The following C1QTNF3 variants were observed in gnomAD, a reference collection of about 807,000 sequenced individuals.
The protein encoded by C1QTNF3 is complement C1q tumor necrosis factor-related protein 3.
A neutral mutation model predicts 32.6 loss-of-function variants in C1QTNF3; 26 were observed. That is an observed-to-expected ratio of 0.80 (90% CI 0.58 to 1.11). The LOEUF (loss-of-function observed/expected upper bound fraction) is 1.11. C1QTNF3 is among the 50% of genes least tolerant of loss of function. The pLI is 0.00. For missense variants in C1QTNF3, 362 were observed against 398.2 expected (o/e 0.91, Z 0.77); for synonymous variants, 155 against 146.0 (o/e 1.06, Z -0.44).
the C1QTNF3 span, among the ~76,000 whole-genome samples, chr5:34,112,265 T>C: frequency 0.014 from 2,201 of 152,298 alleles, 54 homozygotes; most frequent in African/African-American, 0.051. Context: ...CATTGTTGTT[T>C]GCACACTGAT....
chr5:34,072,654 A>G, the C1QTNF3 span, among the ~76,000 whole-genome samples: 1 of 152,148 alleles, frequency 6.6e-6, no homozygotes, highest in East Asian at 1.9e-4. Flanking sequence ...ACTTAATTTC[A>G]GGTAAAGTAA....
the C1QTNF3 span, among the ~76,000 whole-genome samples, chr5:34,156,152 C>A: frequency 1.3e-5 from 2 of 152,154 alleles, no homozygotes; most frequent in Admixed American, 1.3e-4. Flanking sequence ...CTCACTGTGG[C>A]CTCTGCTTCC....
chr5:34,059,140 CG>C, the C1QTNF3 span, among the ~76,000 whole-genome samples: 1 of 152,148 alleles, frequency 6.6e-6, no homozygotes, highest in Non-Finnish European at 1.5e-5. Context: ...AGACAGCAGA[CG>C]TTTATTTTCT....
At chr5:34,243,797 A>C in the C1QTNF3 span, among the ~76,000 whole-genome samples, 3 of 151,392 alleles carry the variant, frequency 2.0e-5, no homozygotes, top group African/African-American at 7.3e-5. Flanking sequence ...GGAACAAGAC[A>C]TGCTGCAGGC....
chr5:34,018,743 G>A lies in C1QTNF3; in HGVS notation c.*1840C>T, dbSNP rs1437514236. 6.6e-6 allele frequency among the ~76,000 whole-genome samples: 1 copy of A among 152,064 alleles called. No homozygotes were observed. The highest frequency in any genetic ancestry group is 2.4e-5 in the African/African-American group (1 of 41,392). On this transcript the variant is annotated 3_prime_UTR_variant, in exon 6 of 6. Transcript: ENST00000382065. ...TTTTCTACACTGGAAAATTACCAAGGCTGATCATTATGTGAAACAGTTCTA... is the reference window on the plus strand; with the variant it reads ...TTTTCTACACTGGAAAATTACCAAGACTGATCATTATGTGAAACAGTTCTA...
chr5:34,212,514 G>A, the C1QTNF3 span, among the ~76,000 whole-genome samples: 2 of 151,728 alleles, frequency 1.3e-5, no homozygotes, highest in African/African-American at 4.8e-5. Context: ...ATCTGACAAA[G>A]GGCTAATATC....
At chr5:34,213,786 C>CATATATATACACATAT in the C1QTNF3 span, among the ~76,000 whole-genome samples, 6 of 15,462 alleles carry the variant, frequency 3.9e-4, no homozygotes, top group Non-Finnish European at 7.3e-4. Context: ...TGTATATATA[C>CATATATATACACATAT]ATATATATAT....
chr5:34,150,386 C>T, the C1QTNF3 span, among the ~76,000 whole-genome samples: 2 of 97,970 alleles, frequency 2.0e-5, no homozygotes, highest in Non-Finnish European at 4.0e-5. Context: ...CTCTCCACCC[C>T]AAATCAACAG....
At chr5:34,182,518 T>TAAATAAATA in the C1QTNF3 span, among the ~76,000 whole-genome samples, 7 of 130,244 alleles carry the variant, frequency 5.4e-5, no homozygotes, top group African/African-American at 2.5e-4. Flanking sequence ...AATAAATAAA[T>TAAATAAATA]AAAAAATCTG....
chr5:34,232,779 A>G, the C1QTNF3 span, among the ~76,000 whole-genome samples: 1 of 152,178 alleles, frequency 6.6e-6, no homozygotes, highest in Non-Finnish European at 1.5e-5. Context: ...GTCATTCTTT[A>G]TATCATTGTG....
In C1QTNF3 at chr5:34,019,125, C is replaced by CA. The variant is rs11429527; in HGVS notation, c.*1457dup. ...CCTGGGCAGCAGCGTGAAACTGTCT[C>CA]AAAAAAAAAAAAGATTTAGAATTTG... On this transcript the variant is annotated 3_prime_UTR_variant, in exon 6 of 6. Transcript: ENST00000382065. Among the ~76,000 whole-genome samples the CA allele has an allele frequency of 0.46, 66,927 of 145,564 alleles. 15,419 individuals are homozygous for CA. Among genetic ancestry groups the CA allele is most frequent in the South Asian group, 0.71 (3,317 of 4,680 alleles).
In C1QTNF3 at chr5:34,028,888, G is replaced by A. The variant is rs1754543798; in HGVS notation, c.571-5C>T. ...CAGAGAAGCCATGAATGCAATCTAA[G>A]GAAAGAATTATTGGTCAATAAATAG... is the stretch of plus-strand genomic sequence containing the variant. On this transcript the variant is annotated splice_region_variant and splice_polypyrimidine_tract_variant and intron_variant, in intron 3 of 5. Transcript: ENST00000382065. 1 of 1,605,014 alleles carries A rather than the reference G, an allele frequency of 6.2e-7. No homozygotes were observed. The highest frequency in any genetic ancestry group is 2.2e-5 in the East Asian group (1 of 44,454).
the C1QTNF3 span, among the ~76,000 whole-genome samples, chr5:34,111,775 C>G: frequency 6.6e-6 from 1 of 152,192 alleles, no homozygotes; most frequent in Non-Finnish European, 1.5e-5. Flanking sequence ...TGATACACAG[C>G]TATTAGTGTT....
chr5:34,213,690 G>GTGTATATATATATA, the C1QTNF3 span, among the ~76,000 whole-genome samples: 6 of 89,672 alleles, frequency 6.7e-5, no homozygotes, highest in African/African-American at 3.8e-4. Context: ...TCTGTTGTGT[G>GTGTATATATATATA]TGTGTATATA....
the C1QTNF3 span, among the ~76,000 whole-genome samples, chr5:34,136,025 A>G: frequency 6.6e-6 from 1 of 152,076 alleles, no homozygotes; most frequent in Non-Finnish European, 1.5e-5. Flanking sequence ...ACCTAAAACC[A>G]TAAAAACTCT....
At chr5:34,197,968 G>C in the C1QTNF3 span, among the ~76,000 whole-genome samples, 2 of 150,596 alleles carry the variant, frequency 1.3e-5, no homozygotes, top group Non-Finnish European at 2.9e-5. Context: ...GGGCACGGTG[G>C]CTCACATCTG....
At chr5:34,229,498 C>T in the C1QTNF3 span, among the ~76,000 whole-genome samples, 1 of 152,122 alleles carries the variant, frequency 6.6e-6, no homozygotes, top group Non-Finnish European at 1.5e-5. Flanking sequence ...TGATGGGGTC[C>T]TAATCCAGAT....
the C1QTNF3 span, among the ~76,000 whole-genome samples, chr5:34,130,132 TACACAC>T: frequency 1.3e-5 from 2 of 149,434 alleles, no homozygotes; most frequent in African/African-American, 4.9e-5. Context: ...TTTATATATA[TACACAC>T]ACACACACAC....
At chr5:34,173,678 TAAAATGAGTA>T in the C1QTNF3 span, among the ~76,000 whole-genome samples, 1 of 107,928 alleles carries the variant, frequency 9.3e-6, no homozygotes, top group Non-Finnish European at 1.9e-5. Flanking sequence ...TATGGATATG[TAAAATGAGTA>T]AGAATGAGTA....
Sources: allele counts gnomAD v4.1 joint callset (sites outside exome capture counted in the v4.1 genomes callset), GRCh38; gene constraint gnomAD v4.1.1; transcripts MANE v1.5; gene names NCBI Gene and HGNC (gene_info 2026-07-23, HGNC 2026-07-21).